BAIAP2: variants seen among roughly 807,000 people sequenced by gnomAD.
BAIAP2 encodes the protein BAR/IMD domain containing adaptor protein 2.
In BAIAP2, 18 loss-of-function variants were observed where a neutral mutation model predicts 63.0. The observed-to-expected ratio is 0.29, with a 90% CI of 0.20 to 0.42. BAIAP2 has a LOEUF of 0.42. BAIAP2 is among the 10% of genes least tolerant of loss of function. The pLI, the probability that BAIAP2 is intolerant of heterozygous loss-of-function variation, is 1.00. For synonymous variants in BAIAP2, 386 were observed against 307.6 expected (o/e 1.25, Z -2.67); for missense variants, 610 against 734.3 (o/e 0.83, Z 1.96).
In BAIAP2 at chr17:81,116,611, C is replaced by A. The variant is rs762543258; in HGVS notation, c.*772C>A. 4.6e-6 allele frequency: 2 copies of A among 436,980 alleles called. No homozygotes were observed. Among genetic ancestry groups the A allele is most frequent in the East Asian group, 8.0e-5 (2 of 24,916 alleles). 27.1% of individuals were successfully genotyped at this position (436,980 alleles called of 1,614,324 possible). ...TGGCAGGTGGGGGCTTCCCCGCTTCCGGGGTCTGCCCCAGGACTCCTGGGT... is the reference window on the plus strand; with the variant it reads ...TGGCAGGTGGGGGCTTCCCCGCTTCAGGGGTCTGCCCCAGGACTCCTGGGT... On this transcript the variant is annotated 3_prime_UTR_variant, in exon 14 of 14. Transcript: ENST00000428708.
chr17:81,067,008 C>G (rs2051595903), intron 3 of BAIAP2, among the ~76,000 whole-genome samples: 1 of 152,246 alleles, frequency 6.6e-6, no homozygotes, highest in South Asian at 2.1e-4. Context: ...CTTACATCCC[C>G]GAGGGGGCCT....
At position 81,097,235 on chromosome 17, in the gene BAIAP2, G is replaced by GT. The variant is rs2057779465; in HGVS notation, c.490-2692dup. On this transcript the variant is annotated intron_variant, in intron 6 of 13. Transcript: ENST00000428708. ...TTTTGAGGGGCAGGTGGGGTTTAGT[G>GT]TGGGAAAGCAGGGTGGGCTGCAAGG... Among the ~76,000 whole-genome samples the GT allele has an allele frequency of 2.0e-5, 3 of 152,250 alleles. No homozygotes were observed. The South Asian group carries it at 6.2e-4, about 31-fold the overall frequency.
intron 3 of BAIAP2, among the ~76,000 whole-genome samples, chr17:81,076,792 G>A (rs1329611009): frequency 6.6e-6 from 1 of 152,076 alleles, no homozygotes; most frequent in Non-Finnish European, 1.5e-5. Flanking sequence ...AACATAGTGA[G>A]ACCCCATGTC....
At chr17:81,041,369 CA>C (rs1011418808) in intron 1 of BAIAP2, among the ~76,000 whole-genome samples, 35 of 152,172 alleles carry the variant, frequency 2.3e-4, no homozygotes, top group Admixed American at 1.6e-3. Flanking sequence ...CTCTGATGGG[CA>C]GGGGTGGGAT....
chr17:81,070,863 C>T (rs992723299), intron 3 of BAIAP2, among the ~76,000 whole-genome samples: 7 of 152,192 alleles, frequency 4.6e-5, no homozygotes, highest in African/African-American at 1.7e-4. Flanking sequence ...CGTGATGGTG[C>T]GTTGCTGGTC....
chr17:81,115,898 G>A lies in BAIAP2; in HGVS notation c.*59G>A. On this transcript the variant is annotated 3_prime_UTR_variant, in exon 14 of 14. Transcript: ENST00000428708. ...TTCCCCCGCCCTTCCCATGTAGCCT[G>A]TTCTGTCATCATCTGTGCGTTCCTG... 6.2e-7 allele frequency: 1 copy of A among 1,605,268 alleles called. No individual in the cohort carries two copies. The highest frequency in any genetic ancestry group is 1.3e-5 in the African/African-American group (1 of 74,984).
rs1568053944 is a variant in BAIAP2, at chr17:81,038,896, TGGGTG to T, written c.54+3592_54+3596del. Among the ~76,000 whole-genome samples the T allele has an allele frequency of 5.9e-4, 14 of 23,720 alleles. No individual in the cohort carries two copies. In the South Asian group the frequency reaches 0.02, roughly 33 times the overall value. The allele number at this position is 23,720 out of a possible 152,430, so 15.6% of individuals were successfully genotyped here. A position where few individuals can be genotyped will look rare whatever the true frequency, so the allele number is the denominator to read the frequency against. On this transcript the variant is annotated intron_variant, in intron 1 of 13. Transcript: ENST00000428708. ...CCTCCTGGCATTGGAGTCGCCTTCC[TGGGTG>T]GGGGGGGCAGCAGACCCGGCACCTG... is the stretch of plus-strand genomic sequence containing the variant.
chr17:81,065,306 C>T (rs997887632), intron 3 of BAIAP2, among the ~76,000 whole-genome samples: 3 of 152,188 alleles, frequency 2.0e-5, no homozygotes, highest in East Asian at 1.9e-4. Context: ...GTGCCCGTCC[C>T]GGCCCCCTGC....
At chr17:81,100,495 G>A (rs1019554787) in intron 7 of BAIAP2, among the ~76,000 whole-genome samples, 1 of 152,104 alleles carries the variant, frequency 6.6e-6, no homozygotes, top group Non-Finnish European at 1.5e-5. Flanking sequence ...CTCTTCCTGT[G>A]GCCCCTCTAT....
At chr17:81,086,659 G>A (rs1598713576) in intron 6 of BAIAP2, 79 bp downstream of exon 6, 3 of 1,532,000 alleles carry the variant, frequency 2.0e-6, no homozygotes, top group Non-Finnish European at 2.7e-6. Context: ...CGTCCACAGG[G>A]AGTGGACAGC....
rs922039183 is a variant in BAIAP2 at position 81,035,202 on chromosome 17, G to A, written c.-53G>A. On this transcript the variant is annotated 5_prime_UTR_variant, in exon 1 of 14. Transcript: ENST00000428708. ...TCCTGCTGCCGTTACCGCCGCTGCT[G>A]CCGCCGCTTGCGTCCCCCGCTCCGG... 2.8e-6 allele frequency: 4 copies of A among 1,415,740 alleles called. No individual in the cohort carries two copies. Among genetic ancestry groups the A allele is most frequent in the African/African-American group, 3.0e-5 (2 of 66,786 alleles). 87.7% of individuals were successfully genotyped at this position (1,415,740 alleles called of 1,614,324 possible).
chr17:81,085,942 A>G (rs2055545659), intron 5 of BAIAP2, among the ~76,000 whole-genome samples: 1 of 152,188 alleles, frequency 6.6e-6, no homozygotes, highest in Middle Eastern at 3.2e-3. Flanking sequence ...GACGCCCCAC[A>G]TGCCTGGTTC....
intron 3 of BAIAP2, among the ~76,000 whole-genome samples, chr17:81,081,586 C>T (rs915134961): frequency 1.3e-5 from 2 of 152,212 alleles, no homozygotes; most frequent in East Asian, 1.9e-4. Context: ...TCCCTTCAGC[C>T]AGGCTCCTTT....
In BAIAP2 at chr17:81,085,024, C is replaced by T. The variant is rs1339308856; in HGVS notation, c.279+131C>T. The T allele has an allele frequency of 7.7e-6, 7 of 912,482 alleles. No homozygotes were observed. The East Asian group carries it at 1.8e-4, about 23-fold the overall frequency. 56.5% of individuals were successfully genotyped at this position (912,482 alleles called of 1,614,324 possible). A position where few individuals can be genotyped will look rare whatever the true frequency, so the allele number is the denominator to read the frequency against. On this transcript the variant is annotated intron_variant, in intron 4 of 13. Coordinates refer to ENST00000428708, the MANE Select transcript of BAIAP2 (RefSeq NM_001144888.2). Reference sequence around the variant, plus strand: ...GCCACACTCGGAGGCAGGGAGGGACCCTGGCTCAGCACACAAGCCACACTC... The same window carrying T: ...GCCACACTCGGAGGCAGGGAGGGACTCTGGCTCAGCACACAAGCCACACTC...
chr17:81,050,172 C>T (rs1044328132), intron 1 of BAIAP2, among the ~76,000 whole-genome samples: 1 of 152,212 alleles, frequency 6.6e-6, no homozygotes, highest in African/African-American at 2.4e-5. Flanking sequence ...GATGCAGATG[C>T]AGAAGGAGGA....
chr17:81,082,256 G>T (rs1306649905), intron 3 of BAIAP2, among the ~76,000 whole-genome samples: 1 of 152,210 alleles, frequency 6.6e-6, no homozygotes, highest in Non-Finnish European at 1.5e-5. Context: ...CCCGTGTACG[G>T]TTCACGCTTG....
intron 2 of BAIAP2, among the ~76,000 whole-genome samples, chr17:81,056,185 G>A (rs1291570647): frequency 3.3e-5 from 5 of 152,196 alleles, no homozygotes; most frequent in Non-Finnish European, 7.4e-5. Context: ...GCTTCCAACT[G>A]TGGTGACCCC....
chr17:81,051,356 C>T (rs2048654950), intron 1 of BAIAP2, among the ~76,000 whole-genome samples: 1 of 152,220 alleles, frequency 6.6e-6, no homozygotes, highest in South Asian at 2.1e-4. Context: ...CTAGTCTCCT[C>T]TGAGCAGCCA....
chr17:81,082,544 T>C (rs949368292), intron 3 of BAIAP2, among the ~76,000 whole-genome samples: 1 of 152,236 alleles, frequency 6.6e-6, no homozygotes, highest in Non-Finnish European at 1.5e-5. Flanking sequence ...CCCTGGGCAC[T>C]GTTCTCTGGA....
Sources: gnomAD v4.1 joint callset for allele counts (sites outside exome capture counted in the v4.1 genomes callset) on GRCh38, gnomAD v4.1.1 for gene constraint, MANE v1.5 for transcripts, NCBI Gene and HGNC (gene_info 2026-07-23, HGNC 2026-07-21) for gene names.